Variants in DCLK2 observed in about 807,000 individuals in gnomAD.
The protein encoded by DCLK2 is doublecortin like kinase 2, also known as serine/threonine-protein kinase DCLK2.
DCLK2 carries 31 observed loss-of-function variants against 78.4 expected under a neutral mutation model. The observed-to-expected ratio is 0.40, with a 90% CI of 0.30 to 0.53. The LOEUF (loss-of-function observed/expected upper bound fraction) is 0.53. Among genes scored for constraint, DCLK2 ranks in the 20% least tolerant of loss-of-function variants. DCLK2 has a pLI of 0.61. For synonymous variants in DCLK2, 407 were observed against 374.9 expected, an observed-to-expected ratio of 1.09 and a Z score of -0.99; for missense variants, 872 against 973.7, an observed-to-expected ratio of 0.90 and a Z score of 1.39.
At chr4:150,092,233 A>G (rs1355768230) in intron 1 of DCLK2, among the ~76,000 whole-genome samples, 3 of 152,164 alleles carry the variant, frequency 2.0e-5, no homozygotes, top group Non-Finnish European at 4.4e-5. Flanking sequence ...GGTTGTTTTC[A>G]TATCTTAGCT....
chr4:150,081,696 T>G (rs1413034858), intron 1 of DCLK2, among the ~76,000 whole-genome samples: 9 of 152,212 alleles, frequency 5.9e-5, no homozygotes, highest in Non-Finnish European at 1.3e-4. Context: ...AATGCAATTT[T>G]TTTTTTAAAG....
At chr4:150,203,261 GGAATTACA>G (rs1351054344) in intron 4 of DCLK2, among the ~76,000 whole-genome samples, 15 of 152,058 alleles carry the variant, frequency 9.9e-5, no homozygotes, top group African/African-American at 3.1e-4. Flanking sequence ...CAAATAAGTA[GGAATTACA>G]AGGAAAACTA....
At chr4:150,185,922 C>G (rs943479161) in intron 2 of DCLK2, among the ~76,000 whole-genome samples, 1 of 152,074 alleles carries the variant, frequency 6.6e-6, no homozygotes, top group Non-Finnish European at 1.5e-5. Context: ...TAAAGTCGCC[C>G]TCATTCATTT....
At chr4:150,248,434 A>G in intron 14 of DCLK2, 49 bp downstream of exon 14, 2 of 1,459,634 alleles carry the variant, frequency 1.4e-6, no homozygotes, top group South Asian at 1.1e-5. Context: ...CTCTGTGGCC[A>G]ACAGCACGGT....
At chr4:150,196,667 C>A (rs1261691968) in intron 3 of DCLK2, among the ~76,000 whole-genome samples, 51 of 146,704 alleles carry the variant, frequency 3.5e-4, no homozygotes, top group African/African-American at 2.8e-4. Context: ...TTCACTGGGG[C>A]AAAAAAAAAA....
chr4:150,105,219 TCA>T (rs1731171227), intron 2 of DCLK2, among the ~76,000 whole-genome samples: 1 of 152,050 alleles, frequency 6.6e-6, no homozygotes, highest in African/African-American at 2.4e-5. Context: ...AATGGGAAAA[TCA>T]CAAAGTGTAA....
chr4:150,183,337 T>C (rs1272185017), intron 2 of DCLK2, among the ~76,000 whole-genome samples: 3 of 152,248 alleles, frequency 2.0e-5, no homozygotes, highest in African/African-American at 7.2e-5. Context: ...ATTGCAGTGC[T>C]TTAAATCCCT....
chr4:150,080,047 C>T (rs1268426123), intron 1 of DCLK2, among the ~76,000 whole-genome samples: 1 of 151,756 alleles, frequency 6.6e-6, no homozygotes, highest in Non-Finnish European at 1.5e-5. Context: ...ATCCCCCAAC[C>T]CCCAGATATC....
intron 2 of DCLK2, among the ~76,000 whole-genome samples, chr4:150,133,567 A>G (rs1186292907): frequency 6.6e-6 from 1 of 152,262 alleles, no homozygotes; most frequent in Non-Finnish European, 1.5e-5. Context: ...TAGTACATTC[A>G]TATATAATAA....
At chr4:150,202,556 C>T (rs895059856) in intron 4 of DCLK2, among the ~76,000 whole-genome samples, 2 of 152,210 alleles carry the variant, frequency 1.3e-5, no homozygotes, top group African/African-American at 4.8e-5. Flanking sequence ...ATTTCTGCCT[C>T]TGCTCAAGGA....
intron 1 of DCLK2, among the ~76,000 whole-genome samples, chr4:150,101,528 G>T (rs1009953871): frequency 4.0e-5 from 6 of 151,832 alleles, no homozygotes; most frequent in Non-Finnish European, 8.8e-5. Flanking sequence ...AAAAATAATG[G>T]ATTCTTTTTA....
At chr4:150,185,230 G>A (rs1158253688) in intron 2 of DCLK2, among the ~76,000 whole-genome samples, 1 of 152,082 alleles carries the variant, frequency 6.6e-6, no homozygotes, top group African/African-American at 2.4e-5. Context: ...GGTGGGGAAA[G>A]CCCCTTATAA....
intron 2 of DCLK2, among the ~76,000 whole-genome samples, chr4:150,149,791 G>C (rs942507183): frequency 1.3e-5 from 2 of 152,164 alleles, no homozygotes; most frequent in Non-Finnish European, 2.9e-5. Flanking sequence ...ACTGATTCTG[G>C]ACTTCATTGA....
At chr4:150,120,633 A>T (rs1732462311) in intron 2 of DCLK2, among the ~76,000 whole-genome samples, 1 of 152,246 alleles carries the variant, frequency 6.6e-6, no homozygotes, top group South Asian at 2.1e-4. Flanking sequence ...AAGTGAATAT[A>T]AAATAAAATG....
intron 5 of DCLK2, among the ~76,000 whole-genome samples, chr4:150,216,304 A>G (rs1740714709): frequency 6.6e-6 from 1 of 152,208 alleles, no homozygotes; most frequent in African/African-American, 2.4e-5. Context: ...AGTTGAGAGC[A>G]TTGTAAAGCA....
chr4:150,079,928 C>T lies in DCLK2; in HGVS notation c.421+480C>T, dbSNP rs903119941. ...GCTCTAGGTTGGCTTTCCTAGTTTG[C>T]CTTGCAGCAGAAGTTACTTGAGGTG... On this transcript the variant is annotated intron_variant, in intron 1 of 15. Transcript: ENST00000296550. 6.6e-5 allele frequency among the ~76,000 whole-genome samples: 10 copies of T among 152,226 alleles called. No homozygotes were observed. The East Asian group carries it at 1.9e-3, about 29-fold the overall frequency.
At chr4:150,255,150 C>T (rs752237462) in intron 15 of DCLK2, among the ~76,000 whole-genome samples, 12 of 152,314 alleles carry the variant, frequency 7.9e-5, no homozygotes, top group Non-Finnish European at 1.3e-4. Flanking sequence ...CTGAAAGAAT[C>T]TTTAGTGCAT....
chr4:150,150,908 T>G (rs1466032612), intron 2 of DCLK2, among the ~76,000 whole-genome samples: 3 of 152,200 alleles, frequency 2.0e-5, no homozygotes, highest in African/African-American at 7.2e-5. Flanking sequence ...ACAGGCTCCT[T>G]TCTTCTCTCC....
At chr4:150,124,019 C>CA (rs566813464) in intron 2 of DCLK2, among the ~76,000 whole-genome samples, 35,300 of 142,790 alleles carry the variant, frequency 0.25, 4,470 homozygotes, top group African/African-American at 0.36. Context: ...CAGCCTGTCT[C>CA]AAAAAAAAAA....
Sources: allele counts gnomAD v4.1 joint callset (sites outside exome capture counted in the v4.1 genomes callset), GRCh38; gene constraint gnomAD v4.1.1; transcripts MANE v1.5; gene names NCBI Gene and HGNC (gene_info 2026-07-23, HGNC 2026-07-21).